Variants in IREB2 observed in about 807,000 individuals in gnomAD.
IREB2 encodes iron-responsive element-binding protein 2.
In IREB2, 39 loss-of-function variants were observed where a neutral mutation model predicts 118.8. The ratio of observed to expected loss-of-function variants is 0.33; its 90% confidence interval spans 0.25 to 0.43. IREB2 has a LOEUF of 0.43. IREB2 is among the 20% of genes least tolerant of loss of function. IREB2 has a pLI of 1.00. For synonymous variants in IREB2, 372 were observed against 392.2 expected, an observed-to-expected ratio of 0.95 and a Z score of 0.61; for missense variants, 900 against 1,147.3, an observed-to-expected ratio of 0.78 and a Z score of 3.11.
chr15:78,450,472 G>A (rs1374944559), intron 2 of IREB2, among the ~76,000 whole-genome samples: 4 of 152,220 alleles, frequency 2.6e-5, no homozygotes, highest in Non-Finnish European at 4.4e-5. Context: ...TGGCCAGGTT[G>A]GAGCTGGTCT....
At chr15:78,460,764 G>A (rs1258191836) in intron 2 of IREB2, among the ~76,000 whole-genome samples, 1 of 152,110 alleles carries the variant, frequency 6.6e-6, no homozygotes, top group East Asian at 1.9e-4. Context: ...AATAAATCAT[G>A]AGTTCGTATC....
chr15:78,449,248 A>G (rs1336294132), intron 2 of IREB2, among the ~76,000 whole-genome samples: 2 of 152,182 alleles, frequency 1.3e-5, no homozygotes, highest in African/African-American at 2.4e-5. Context: ...GTATGTATTT[A>G]CCGTATCCAG....
chr15:78,445,339 T>C (rs1360464611), intron 2 of IREB2, among the ~76,000 whole-genome samples: 1 of 152,214 alleles, frequency 6.6e-6, no homozygotes, highest in East Asian at 1.9e-4. Context: ...GGTTTCGCCA[T>C]GCTGGCCAGG....
chr15:78,478,001 C>T (rs1184545389), intron 9 of IREB2, among the ~76,000 whole-genome samples: 1 of 151,276 alleles, frequency 6.6e-6, no homozygotes, highest in South Asian at 2.1e-4. Flanking sequence ...GCAGGAGGAT[C>T]TCTTGAGGCT....
At chr15:78,485,882 AG>A (rs1303719266) in intron 13 of IREB2, 42 bp downstream of exon 13, 1 of 1,566,504 alleles carries the variant, frequency 6.4e-7, no homozygotes, top group Non-Finnish European at 8.8e-7. Context: ...ATTGGTGTTC[AG>A]TAGGTACTGA....
intron 2 of IREB2, among the ~76,000 whole-genome samples, chr15:78,451,117 A>G (rs1317981734): frequency 1.3e-5 from 2 of 151,116 alleles, no homozygotes; most frequent in East Asian, 3.9e-4. Context: ...GGCGCCCACC[A>G]CCACACCTGG....
chr15:78,483,122 C>T (rs1422438388), intron 10 of IREB2, among the ~76,000 whole-genome samples, 196 bp from the exon 11 acceptor site: 1 of 152,132 alleles, frequency 6.6e-6, no homozygotes, highest in African/African-American at 2.4e-5. Context: ...AGCAAATTTT[C>T]ATGTTTCGTA....
Position 78,462,970 on chromosome 15 carries a change from A to T in IREB2, c.155A>T (p.Asn52Ile). The change falls in exon 3 of 22, where the codon AAT (asparagine) becomes ATT (isoleucine). Residue 52 changes from asparagine (N) to isoleucine (I), a missense_variant. By Grantham distance (149) the Asn-to-Ile change is moderately radical. Transcript: ENST00000258886. ...GTCTTGTTGGAAGCTGCTGTACGAA[A>T]TTGTGATGGCTTTTTAATGAAGAAG... ...IRVLLEAAVR[N>I]CDGFLMKKED... The T allele has an allele frequency of 1.9e-6, 3 of 1,613,306 alleles. No homozygotes were observed. Among genetic ancestry groups the T allele is most frequent in the Non-Finnish European group, 2.5e-6 (3 of 1,179,750 alleles).
chr15:78,466,488 G>T lies in IREB2; in HGVS notation c.628G>T (p.Glu210Ter). Residue 210 changes from glutamate to a stop codon, truncating the protein, a stop_gained and splice_region_variant, in exon 5 of 22, where the codon GAA (glutamate) becomes TAA (stop). Coordinates refer to ENST00000258886, the MANE Select transcript of IREB2 (RefSeq NM_004136.4). LOFTEE classifies it high-confidence loss of function. ...TCCTTTTCATTTGCAACCAGTGCCT[G>T]AGTATGAGATTGTTTTTCTTAAAGT... ...LCPFHLQPVPEPETVLKNQEV... is the reference protein window; with the variant it reads ...LCPFHLQPVP 1 of 1,602,552 alleles carries T rather than the reference G, an allele frequency of 6.2e-7. No homozygotes were observed. The highest frequency in any genetic ancestry group is 8.5e-7 in the Non-Finnish European group (1 of 1,169,720).
chr15:78,477,998 G>A (rs2051500490), intron 9 of IREB2, among the ~76,000 whole-genome samples: 1 of 151,398 alleles, frequency 6.6e-6, no homozygotes, highest in African/African-American at 2.4e-5. Flanking sequence ...AAGGCAGGAG[G>A]ATCTCTTGAG....
intron 2 of IREB2, among the ~76,000 whole-genome samples, chr15:78,459,816 T>C (rs2051167835): frequency 6.6e-6 from 1 of 152,152 alleles, no homozygotes; most frequent in Admixed American, 6.5e-5. Flanking sequence ...TCCTCTCCTC[T>C]TTTTTCGTGC....
intron 2 of IREB2, among the ~76,000 whole-genome samples, chr15:78,458,285 G>A (rs1350518385): frequency 1.3e-5 from 2 of 152,120 alleles, no homozygotes; most frequent in Admixed American, 1.3e-4. Context: ...TGTAAACTGT[G>A]GGGTTGGGGT....
intron 16 of IREB2, among the ~76,000 whole-genome samples, chr15:78,489,387 A>G (rs958795235): frequency 2.6e-5 from 4 of 152,238 alleles, no homozygotes; most frequent in Non-Finnish European, 5.9e-5. Context: ...GAGGGGGGAA[A>G]AGAAAGAATT....
At chr15:78,474,567 TG>T (rs2051432919) in intron 8 of IREB2, 1 of 152,240 alleles carries the variant, frequency 6.6e-6, no homozygotes, top group African/African-American at 2.4e-5. Context: ...AATATTACTG[TG>T]TGTTTTTTGA....
intron 16 of IREB2, among the ~76,000 whole-genome samples, chr15:78,490,153 C>T (rs2051725186): frequency 6.6e-6 from 1 of 152,096 alleles, no homozygotes; most frequent in Non-Finnish European, 1.5e-5. Flanking sequence ...TGGCTAATGC[C>T]TATAATCCCA....
intron 20 of IREB2, among the ~76,000 whole-genome samples, chr15:78,495,495 C>G (rs757059263): frequency 3.4e-4 from 51 of 152,008 alleles, no homozygotes; most frequent in Non-Finnish European, 6.5e-4. Flanking sequence ...GATAAGCTAC[C>G]TTTTTCATTA....
intron 2 of IREB2, among the ~76,000 whole-genome samples, chr15:78,452,768 T>C (rs2051047165): frequency 6.6e-6 from 1 of 152,100 alleles, no homozygotes; most frequent in Non-Finnish European, 1.5e-5. Flanking sequence ...AAAAGAACTA[T>C]AAAGGATCTA....
chr15:78,468,929 G>A (rs1221562762), intron 5 of IREB2, among the ~76,000 whole-genome samples: 1 of 152,138 alleles, frequency 6.6e-6, no homozygotes, highest in Admixed American at 6.6e-5. Context: ...TTAATTTCCT[G>A]AAAAGGAAGA....
intron 20 of IREB2, 136 bp downstream of exon 20, chr15:78,494,400 T>A (rs1418221451): frequency 1.2e-6 from 1 of 858,164 alleles, no homozygotes; most frequent in Admixed American, 2.6e-5. Flanking sequence ...GTTTTGTTTG[T>A]TTGTTTATTT....
Sources: gnomAD v4.1 joint callset for allele counts (sites outside exome capture counted in the v4.1 genomes callset) on GRCh38, gnomAD v4.1.1 for gene constraint, MANE v1.5 for transcripts, NCBI Gene and HGNC (gene_info 2026-07-23, HGNC 2026-07-21) for gene names.